GARIN2: variants seen among roughly 807,000 people sequenced by gnomAD.
GARIN2 encodes the protein Golgi-associated RAB2 interactor protein 2.
the GARIN2 span, chr14:67,224,975 A>C: frequency 7.2e-6 from 5 of 690,582 alleles, no homozygotes; most frequent in Non-Finnish European, 1.2e-5. Context: ...TGGTTAGAAC[A>C]TAATCTGAAT....
At chr14:67,225,963 GCGCGCGCGCGCGTGCGCA>G in the GARIN2 span, among the ~76,000 whole-genome samples, 1 of 82,828 alleles carries the variant, frequency 1.2e-5, no homozygotes, top group African/African-American at 6.2e-5. Flanking sequence ...GTGTGTGTGT[GCGCGCGCGCGCGTGCGCA>G]TGCGCGTGCA....
the GARIN2 span, chr14:67,225,232 A>G: frequency 5.2e-6 from 8 of 1,524,334 alleles, no homozygotes; most frequent in Non-Finnish European, 7.0e-6. Context: ...GAAAAAGACA[A>G]AGTTGATGGA....
the GARIN2 span, chr14:67,200,589 C>T: frequency 2.3e-5 from 5 of 220,574 alleles, no homozygotes; most frequent in East Asian, 1.7e-4. Context: ...TCCATTAACA[C>T]GTTCTCTGCA....
At chr14:67,203,232 A>C in the GARIN2 span, 1 of 1,612,866 alleles carries the variant, frequency 6.2e-7, no homozygotes, top group Non-Finnish European at 8.5e-7. Context: ...CCAAAAAGAT[A>C]CAGAAACCCT....
the GARIN2 span, chr14:67,199,693 T>A: frequency 6.3e-7 from 1 of 1,583,450 alleles, no homozygotes; most frequent in Non-Finnish European, 8.7e-7. Context: ...ATCAGCTGTT[T>A]GCAGATGCAC....
At chr14:67,225,924 TGA>T in the GARIN2 span, among the ~76,000 whole-genome samples, 1 of 123,882 alleles carries the variant, frequency 8.1e-6, no homozygotes, top group Non-Finnish European at 1.6e-5. Context: ...GCTAATGCTG[TGA>T]GTGTGTGTGT....
chr14:67,201,806 G>C, the GARIN2 span: 2 of 264,072 alleles, frequency 7.6e-6, no homozygotes, highest in Non-Finnish European at 1.5e-5. Flanking sequence ...TTTTTTAATT[G>C]AACCAATTAT....
the GARIN2 span, chr14:67,204,911 A>C: frequency 1.2e-6 from 2 of 1,611,288 alleles, no homozygotes. Context: ...GACATCACAG[A>C]TGTCACAGAT....
the GARIN2 span, among the ~76,000 whole-genome samples, chr14:67,193,339 T>TATATA: frequency 3.7e-5 from 5 of 135,622 alleles, no homozygotes; most frequent in African/African-American, 1.3e-4. Context: ...TCTATATAGA[T>TATATA]ATCTATCTAT....
the GARIN2 span, among the ~76,000 whole-genome samples, chr14:67,207,623 C>T: frequency 1.3e-5 from 2 of 152,150 alleles, no homozygotes; most frequent in African/African-American, 4.8e-5. Context: ...AGAAAGTTGG[C>T]TTTAGGGCCT....
At chr14:67,226,283 C>T in the GARIN2 span, among the ~76,000 whole-genome samples, 4 of 152,176 alleles carry the variant, frequency 2.6e-5, no homozygotes, top group Non-Finnish European at 4.4e-5. Flanking sequence ...CCTCTGCCTC[C>T]TGGGTTCAAG....
chr14:67,213,579 C>G, the GARIN2 span, among the ~76,000 whole-genome samples: 5 of 152,052 alleles, frequency 3.3e-5, no homozygotes, highest in African/African-American at 7.2e-5. Flanking sequence ...GGACATTTGG[C>G]TTGGTTCCAA....
the GARIN2 span, among the ~76,000 whole-genome samples, chr14:67,203,748 T>G: frequency 6.6e-6 from 1 of 152,250 alleles, no homozygotes; most frequent in Admixed American, 6.5e-5. Flanking sequence ...AGTCTTGCAC[T>G]GTCACCCAGG....
the GARIN2 span, among the ~76,000 whole-genome samples, chr14:67,195,058 G>A: frequency 6.6e-6 from 1 of 152,300 alleles, no homozygotes; most frequent in East Asian, 1.9e-4. Flanking sequence ...GGGGTGTAGT[G>A]CACAGGTATC....
At chr14:67,198,149 A>C in the GARIN2 span, 2 of 1,605,932 alleles carry the variant, frequency 1.2e-6, no homozygotes, top group Non-Finnish European at 1.7e-6. Context: ...TTTTATGTTT[A>C]TGTGCAAGCG....
the GARIN2 span, chr14:67,221,808 G>A: frequency 6.2e-7 from 1 of 1,612,964 alleles, no homozygotes; most frequent in Non-Finnish European, 8.5e-7. Flanking sequence ...AACACTTCAG[G>A]TATGGAACAA....
the GARIN2 span, among the ~76,000 whole-genome samples, chr14:67,192,979 T>C: frequency 9.5e-4 from 140 of 146,702 alleles, no homozygotes; most frequent in African/African-American, 3.2e-3. Context: ...TATCTAGATA[T>C]AGATCTCTCT....
chr14:67,212,224 A>C, the GARIN2 span, among the ~76,000 whole-genome samples: 4 of 152,154 alleles, frequency 2.6e-5, no homozygotes, highest in Non-Finnish European at 1.5e-5. Flanking sequence ...TGCTCAGTAA[A>C]TGATCATTAT....
At chr14:67,200,835 C>T in the GARIN2 span, among the ~76,000 whole-genome samples, 1 of 152,186 alleles carries the variant, frequency 6.6e-6, no homozygotes, top group Non-Finnish European at 1.5e-5. Context: ...AATAAAATTA[C>T]ATAGTACTTG....
Sources: gnomAD v4.1 joint callset for allele counts (sites outside exome capture counted in the v4.1 genomes callset) on GRCh38, gnomAD v4.1.1 for gene constraint, MANE v1.5 for transcripts, NCBI Gene and HGNC (gene_info 2026-07-23, HGNC 2026-07-21) for gene names.